SI: variants seen among roughly 807,000 people sequenced by gnomAD.
The protein encoded by SI is sucrase-isomaltase.
Under a neutral mutation model 253.3 loss-of-function variants are expected in SI, and 235 were observed. The ratio of observed to expected loss-of-function variants is 0.93; its 90% confidence interval spans 0.83 to 1.03. SI has a LOEUF of 1.03. Ranked by LOEUF, SI falls within the 50% of genes least tolerant of loss-of-function variation. The pLI is 0.00. For synonymous variants in SI, 819 were observed against 712.0 expected (o/e 1.15, Z -2.39); for missense variants, 2,442 against 2,211.1 (o/e 1.10, Z -2.09).
At chr3:164,984,839 C>G (rs1192795147) in intron 45 of SI, among the ~76,000 whole-genome samples, 2 of 152,100 alleles carry the variant, frequency 1.3e-5, no homozygotes, top group African/African-American at 4.8e-5. Context: ...TGCCCATCAA[C>G]TAGATTGTTG....
At chr3:165,046,761 T>C in intron 16 of SI, 80 bp downstream of exon 16, 1 of 1,193,788 alleles carries the variant, frequency 8.4e-7, no homozygotes, top group Non-Finnish European at 1.2e-6. Flanking sequence ...TTTGATCATT[T>C]TACTAAAATT....
At chr3:165,087,741 T>A in the SI span, among the ~76,000 whole-genome samples, 3 of 152,190 alleles carry the variant, frequency 2.0e-5, no homozygotes, top group African/African-American at 7.2e-5. Flanking sequence ...TGCTATCAGA[T>A]TTATATTAAT....
At chr3:165,031,566 T>C (rs1315721790) in intron 24 of SI, among the ~76,000 whole-genome samples, 1 of 150,058 alleles carries the variant, frequency 6.7e-6, no homozygotes, top group African/African-American at 2.4e-5. Context: ...AATATGCCTA[T>C]TAAATAAAAA....
intron 44 of SI, 125 bp downstream of exon 44, chr3:164,991,228 T>C: frequency 2.0e-6 from 2 of 1,020,238 alleles, no homozygotes; most frequent in Non-Finnish European, 3.1e-6. Flanking sequence ...GGCATTCATG[T>C]TACTGAGGCA....
chr3:165,088,558 T>C, the SI span, among the ~76,000 whole-genome samples: 4 of 151,642 alleles, frequency 2.6e-5, no homozygotes, highest in African/African-American at 9.7e-5. Flanking sequence ...GAAGAATCTC[T>C]TGAACCTGGG....
intron 26 of SI, 64 bp downstream of exon 26, chr3:165,023,506 G>T: frequency 9.4e-7 from 1 of 1,062,600 alleles, no homozygotes; most frequent in Non-Finnish European, 1.5e-6. Context: ...ATCAATCACA[G>T]GATTATTCAA....
At chr3:165,002,233 A>G (rs1718288028) in intron 37 of SI, among the ~76,000 whole-genome samples, 1 of 151,746 alleles carries the variant, frequency 6.6e-6, no homozygotes, top group Admixed American at 6.6e-5. Flanking sequence ...ATTTCTTTCT[A>G]CATTTGAAGA....
intron 46 of SI, 96 bp from the exon 47 acceptor site, chr3:164,982,506 G>A: frequency 1.2e-6 from 1 of 866,536 alleles, no homozygotes. Context: ...GTATTTCGTA[G>A]TATAATAAAT....
intron 37 of SI, among the ~76,000 whole-genome samples, chr3:165,004,593 C>T (rs904226591): frequency 6.6e-6 from 1 of 151,990 alleles, no homozygotes; most frequent in Non-Finnish European, 1.5e-5. Context: ...ATATATACAA[C>T]GGAGTCCTAT....
At chr3:165,044,290 T>C (rs1465735434) in intron 16 of SI, among the ~76,000 whole-genome samples, 2 of 152,016 alleles carry the variant, frequency 1.3e-5, no homozygotes, top group East Asian at 3.9e-4. Flanking sequence ...AAACATATTC[T>C]TATTCTATGG....
rs753165596 is a variant in SI at position 165,059,940 on chromosome 3, C to G, written c.1108G>C (p.Glu370Gln). Residue 370 changes from glutamate to glutamine, a missense_variant, in exon 10 of 48, where the codon GAA (glutamate) becomes CAA (glutamine). Physicochemically the swap from Glu to Gln is conservative, Grantham distance 29 (BLOSUM62 2). Transcript: ENST00000264382. Reference protein sequence around the residue: ...WNYKSLDVVKEVVRRNREAGI... With the variant: ...WNYKSLDVVKQVVRRNREAGI... ...GCTTCCCGGTTTCTCCTTACCACTT[C>G]TTTCACTACATCTAGTGACTTATAA... is the stretch of plus-strand genomic sequence containing the variant. 6.2e-7 allele frequency: 1 copy of G among 1,612,154 alleles called. No individual in the cohort carries two copies. The highest frequency in any genetic ancestry group is 8.5e-7 in the Non-Finnish European group (1 of 1,178,650).
chr3:165,068,662 C>T (rs934575064), intron 5 of SI, 60 bp downstream of exon 5: 8 of 1,252,848 alleles, frequency 6.4e-6, no homozygotes, highest in African/African-American at 5.9e-5. Context: ...CGTGAGCCAC[C>T]GCGCCCAGCC....
At chr3:165,026,106 G>A (rs189871107) in intron 25 of SI, among the ~76,000 whole-genome samples, 2 of 151,034 alleles carry the variant, frequency 1.3e-5, no homozygotes, top group Admixed American at 1.3e-4. Context: ...AACACATAAG[G>A]ACTCACACAA....
intron 37 of SI, among the ~76,000 whole-genome samples, chr3:165,004,414 G>C (rs1308168837): frequency 1.3e-5 from 2 of 152,052 alleles, no homozygotes; most frequent in Non-Finnish European, 2.9e-5. Context: ...AATAAAAATA[G>C]AGCTACTATA....
intron 17 of SI, 22 bp downstream of exon 17, chr3:165,043,037 A>T (rs751884734): frequency 7.3e-7 from 1 of 1,365,806 alleles, no homozygotes; most frequent in Non-Finnish European, 1.0e-6. Context: ...ATTTCGCAAC[A>T]TGGAGAACAA....
chr3:165,003,267 C>G (rs1438884626), intron 37 of SI, among the ~76,000 whole-genome samples: 2 of 151,776 alleles, frequency 1.3e-5, no homozygotes, highest in Admixed American at 6.6e-5. Context: ...AAGCTACATA[C>G]TTTCAACTCA....
chr3:165,016,170 T>C, intron 31 of SI, 90 bp from the exon 32 acceptor site: 1 of 1,209,988 alleles, frequency 8.3e-7, no homozygotes. Flanking sequence ...GTAACAGCAA[T>C]ATGAAAGTTT....
chr3:165,032,782 A>T (rs1712320306), intron 23 of SI, 90 bp from the exon 24 acceptor site: 1 of 773,774 alleles, frequency 1.3e-6, no homozygotes, highest in African/African-American at 1.7e-5. Flanking sequence ...AAAAAAGGTC[A>T]TCATCTACAT....
rs116791931 is a variant in SI at position 165,037,965 on chromosome 3, T to G, written c.2361A>C (p.Ile787=). 81 of 1,611,676 alleles carry G rather than the reference T, an allele frequency of 5.0e-5. No homozygotes were observed. The African/African-American group carries it at 1.0e-3, about 20-fold the overall frequency. ...TATAACCTCCTCTAAGATGTAATCCTATTTTGTCTGCTGGAAGATACATAT... is the reference window on the plus strand; with the variant it reads ...TATAACCTCCTCTAAGATGTAATCCGATTTTGTCTGCTGGAAGATACATAT... ...RVDMYLPADK[I]GLHLRGGYII... Residue 787 remains isoleucine (I), a synonymous_variant, in exon 21 of 48, where the codon ATA becomes ATC. Coordinates refer to ENST00000264382, the MANE Select transcript of SI (RefSeq NM_001041.4).
Sources: allele counts gnomAD v4.1 joint callset (sites outside exome capture counted in the v4.1 genomes callset), GRCh38; gene constraint gnomAD v4.1.1; transcripts MANE v1.5; gene names NCBI Gene and HGNC (gene_info 2026-07-23, HGNC 2026-07-21).